Variants in CA10 observed in about 807,000 individuals in gnomAD.
CA10 encodes the protein carbonic anhydrase-related protein 10.
A neutral mutation model predicts 44.2 loss-of-function variants in CA10; 14 were observed. That is an observed-to-expected ratio of 0.32 (90% CI 0.21 to 0.50). The LOEUF is 0.50. CA10 is among the 20% of genes least tolerant of loss of function. CA10 has a pLI of 0.99. For synonymous variants in CA10, 159 were observed against 141.6 expected (o/e 1.12, Z -0.87); for missense variants, 350 against 409.7 (o/e 0.85, Z 1.26).
chr17:51,728,269 T>C (rs1397242085), intron 4 of CA10, among the ~76,000 whole-genome samples: 2 of 152,198 alleles, frequency 1.3e-5, no homozygotes, highest in African/African-American at 4.8e-5. Context: ...ATAACTTTCA[T>C]CCATCTTCCC....
intron 2 of CA10, among the ~76,000 whole-genome samples, chr17:52,042,597 G>A (rs1380593665): frequency 1.3e-5 from 2 of 151,542 alleles, no homozygotes; most frequent in Non-Finnish European, 2.9e-5. Flanking sequence ...GAAGATTTTA[G>A]TTTTATGTAG....
At position 51,931,140 on chromosome 17, in the gene CA10, C is replaced by G. The variant is rs770874732; in HGVS notation, c.137-8G>C. On this transcript the variant is annotated splice_polypyrimidine_tract_variant and splice_region_variant and intron_variant, in intron 2 of 8. Transcript: ENST00000451037. The stretch of plus-strand genomic sequence containing the variant: ...ATCCCCAGAAAGAAGGAACTAGAAA[C>G]AAAAAGAAATTATAGAATTAGGCTG... 1 of 1,611,994 alleles carries G rather than the reference C, an allele frequency of 6.2e-7. No homozygotes were observed. The highest frequency in any genetic ancestry group is 1.1e-5 in the South Asian group (1 of 90,842).
At chr17:51,827,405 A>G (rs1199883898) in intron 3 of CA10, among the ~76,000 whole-genome samples, 2 of 152,094 alleles carry the variant, frequency 1.3e-5, no homozygotes, top group Non-Finnish European at 2.9e-5. Flanking sequence ...AGCCTATTAT[A>G]AAATGTATCA....
intron 2 of CA10, among the ~76,000 whole-genome samples, chr17:52,057,221 C>T (rs1987253343): frequency 6.6e-6 from 1 of 151,992 alleles, no homozygotes; most frequent in Admixed American, 6.6e-5. Context: ...AGATTATTTT[C>T]AATAAGTTAC....
chr17:51,883,186 A>G lies in CA10; in HGVS notation c.279+47804T>C, dbSNP rs541303016. ...TTTGACAGGGTTAACAAACTTGGAC[A>G]TACACACACATACATAAACACTCAT... is the stretch of plus-strand genomic sequence containing the variant. On this transcript the variant is annotated intron_variant, in intron 3 of 8. Transcript: ENST00000451037. Among the ~76,000 whole-genome samples the G allele has an allele frequency of 5.2e-4, 79 of 152,350 alleles. 1 individual carries two copies. Among genetic ancestry groups the G allele is most frequent in the African/African-American group, 1.9e-3 (78 of 41,580 alleles).
chr17:51,748,599 C>T (rs1598025167), intron 3 of CA10: 1 of 512,636 alleles, frequency 2.0e-6, no homozygotes, highest in Non-Finnish European at 2.5e-6. Context: ...ACTCTACTTT[C>T]TTACTCTCTT....
intron 4 of CA10, among the ~76,000 whole-genome samples, chr17:51,738,687 T>C (rs951656229): frequency 2.0e-5 from 3 of 152,182 alleles, no homozygotes; most frequent in African/African-American, 4.8e-5. Context: ...TCTCCCAATG[T>C]CTTTGCTGTT....
chr17:51,965,421 T>TA (rs1456836936), intron 2 of CA10, among the ~76,000 whole-genome samples: 4 of 150,190 alleles, frequency 2.7e-5, no homozygotes, highest in Admixed American at 6.6e-5. Context: ...TAAAGACAAT[T>TA]AAAAAAAACC....
At position 51,848,569 on chromosome 17, in the gene CA10, C is replaced by T. The variant is rs113756592; in HGVS notation, c.279+82421G>A. ...TGTGCCATATATTCTTTAGGGCTGT[C>T]GTGAATGCATCTATTCATTGATTCA... On this transcript the variant is annotated intron_variant, in intron 3 of 8. Transcript: ENST00000451037. Among the ~76,000 whole-genome samples, 343 of 152,266 alleles carry T rather than the reference C, an allele frequency of 2.3e-3. 2 individuals carry two copies. The highest frequency in any genetic ancestry group is 7.8e-3 in the African/African-American group (323 of 41,548).
intron 2 of CA10, among the ~76,000 whole-genome samples, chr17:52,016,990 C>G (rs1238400439): frequency 6.6e-6 from 1 of 152,104 alleles, no homozygotes; most frequent in Admixed American, 6.6e-5. Flanking sequence ...CACCATTTGA[C>G]CAGCTTCTCC....
At chr17:51,658,438 G>T (rs1443464897) in intron 4 of CA10, among the ~76,000 whole-genome samples, 1 of 152,210 alleles carries the variant, frequency 6.6e-6, no homozygotes, top group East Asian at 1.9e-4. Context: ...ATGCAGAAGT[G>T]GGGGCAACAT....
At chr17:52,059,695 A>G (rs946827074) in intron 2 of CA10, among the ~76,000 whole-genome samples, 4 of 152,146 alleles carry the variant, frequency 2.6e-5, no homozygotes, top group Non-Finnish European at 2.9e-5. Flanking sequence ...CTAAAGAAAA[A>G]AAAAAAAGAA....
intron 3 of CA10, among the ~76,000 whole-genome samples, chr17:51,929,326 A>T (rs1034039651): frequency 6.6e-6 from 1 of 152,130 alleles, no homozygotes; most frequent in Non-Finnish European, 1.5e-5. Flanking sequence ...TTCCATCTCA[A>T]TCCCAATCTG....
chr17:52,146,759 C>T lies in CA10; in HGVS notation c.61+10967G>A, dbSNP rs1989598388. Among the ~76,000 whole-genome samples the T allele has an allele frequency of 1.3e-5, 2 of 151,998 alleles. 1 individual carries two copies. The highest frequency in any genetic ancestry group is 4.8e-5 in the African/African-American group (2 of 41,382). On this transcript the variant is annotated intron_variant, in intron 1 of 8. Transcript: ENST00000451037. ...TGTGACTGACCAGAAAGGATGCCCA[C>T]AGCTTTTCTTCTTGGCCCACAAAAA...
chr17:51,794,202 G>A (rs1780779556), intron 3 of CA10, among the ~76,000 whole-genome samples: 1 of 152,182 alleles, frequency 6.6e-6, no homozygotes, highest in Non-Finnish European at 1.5e-5. Flanking sequence ...GTTTTTAGTT[G>A]GTTTCTGGTT....
chr17:51,725,116 T>G (rs1526180), intron 4 of CA10, among the ~76,000 whole-genome samples: 99,063 of 152,170 alleles, frequency 0.65, 32,485 homozygotes, highest in Admixed American at 0.73. Flanking sequence ...GACAGGACTG[T>G]AATCTGATTC....
intron 1 of CA10, among the ~76,000 whole-genome samples, chr17:52,092,683 T>G (rs1022191386): frequency 2.6e-5 from 4 of 152,186 alleles, no homozygotes; most frequent in Non-Finnish European, 5.9e-5. Context: ...TTTCACTTCC[T>G]GCAACCTGAT....
intron 2 of CA10, among the ~76,000 whole-genome samples, chr17:51,948,401 T>C (rs1409752394): frequency 6.6e-6 from 1 of 152,086 alleles, no homozygotes; most frequent in African/African-American, 2.4e-5. Context: ...AGATTTACCC[T>C]CCCATATTCC....
intron 4 of CA10, among the ~76,000 whole-genome samples, chr17:51,690,665 G>A (rs903887413): frequency 1.3e-5 from 2 of 152,194 alleles, no homozygotes; most frequent in African/African-American, 4.8e-5. Flanking sequence ...TGCCATGTAA[G>A]ACATGCCTTT....
Sources: gnomAD v4.1 joint callset for allele counts (sites outside exome capture counted in the v4.1 genomes callset) on GRCh38, gnomAD v4.1.1 for gene constraint, MANE v1.5 for transcripts, NCBI Gene and HGNC (gene_info 2026-07-23, HGNC 2026-07-21) for gene names.